CASP9: variants seen among roughly 807,000 people sequenced by gnomAD.
CASP9 encodes the protein caspase-9.
A neutral mutation model predicts 43.5 loss-of-function variants in CASP9; 29 were observed. That is an observed-to-expected ratio of 0.67 (90% CI 0.50 to 0.91). The LOEUF is 0.91. CASP9 is among the 40% of genes least tolerant of loss of function. The probability of loss-of-function intolerance (pLI) is 0.00; values close to 1 mark genes in which losing one functional copy is unlikely to be tolerated. For synonymous variants in CASP9, 206 were observed against 211.9 expected (o/e 0.97, Z 0.24); for missense variants, 575 against 537.4 (o/e 1.07, Z -0.69).
At chr1:15,494,076 C>T in intron 7 of CASP9, 75 bp from the exon 8 acceptor site, 2 of 1,527,704 alleles carry the variant, frequency 1.3e-6, no homozygotes, top group Non-Finnish European at 1.8e-6. Context: ...TCTGGCCATG[C>T]ACGCTGGCTC....
chr1:15,505,980 G>T lies in CASP9; in HGVS notation c.720+10C>A. On this transcript the variant is annotated intron_variant, in intron 5 of 8. Coordinates refer to ENST00000333868, the MANE Select transcript of CASP9 (RefSeq NM_001229.5). ...AATGCCTGCCCAGGGAACAGTGGGA[G>T]GCTTCCTACCTGACAGCCGTGAGAG... The T allele has an allele frequency of 6.2e-7, 1 of 1,610,758 alleles. No individual in the cohort carries two copies. Among genetic ancestry groups the T allele is most frequent in the Non-Finnish European group, 8.5e-7 (1 of 1,176,876 alleles).
At chr1:15,518,874 G>GTTTTT (rs67264894) in intron 1 of CASP9, among the ~76,000 whole-genome samples, 1 of 148,720 alleles carries the variant, frequency 6.7e-6, no homozygotes. Flanking sequence ...TTTTGTTTTT[G>GTTTTT]TTTTTTTTTT....
At chr1:15,509,993 C>T (rs1244618767) in intron 2 of CASP9, among the ~76,000 whole-genome samples, 1 of 152,010 alleles carries the variant, frequency 6.6e-6, no homozygotes, top group Non-Finnish European at 1.5e-5. Flanking sequence ...TGCAGTGGCG[C>T]GATCTTGCCT....
In CASP9 at chr1:15,518,141, C is replaced by T. The variant is rs1307405522; in HGVS notation, c.387G>A (p.Val129=). 2 of 1,614,224 alleles carry T rather than the reference C, an allele frequency of 1.2e-6. No homozygotes were observed. Among genetic ancestry groups the T allele is most frequent in the South Asian group, 1.1e-5 (1 of 91,088 alleles). ...EVLRPETPRP[V]DIGSGGFGDV... ...CACCAAATCCTCCAGAACCAATGTC[C>T]ACTGGTCTGGGTGTTTCCGGTCTGA... The change falls in exon 2 of 9, where the codon GTG becomes GTA. Residue 129 remains valine (V), a synonymous_variant. Coordinates refer to ENST00000333868, the MANE Select transcript of CASP9 (RefSeq NM_001229.5).
At chr1:15,493,465 C>T (rs1708968309) in intron 8 of CASP9, 2 of 1,271,292 alleles carry the variant, frequency 1.6e-6, no homozygotes, top group Non-Finnish European at 9.9e-7. Flanking sequence ...TGTTTCCTCA[C>T]TGGGGCCTCC....
intron 6 of CASP9, among the ~76,000 whole-genome samples, chr1:15,501,985 A>G (rs964268070): frequency 6.6e-6 from 1 of 152,182 alleles, no homozygotes; most frequent in African/African-American, 2.4e-5. Flanking sequence ...CCTCGTCTCA[A>G]GAGATCCTCC....
chr1:15,503,176 C>A (rs974550269), intron 6 of CASP9, among the ~76,000 whole-genome samples: 1 of 152,094 alleles, frequency 6.6e-6, no homozygotes, highest in Non-Finnish European at 1.5e-5. Flanking sequence ...TGCTTGAACC[C>A]AGGAGTTCAA....
At position 15,518,226 on chromosome 1, in the gene CASP9, G is replaced by C; in HGVS notation, c.302C>G (p.Pro101Arg). 1 of 1,614,184 alleles carries C rather than the reference G, an allele frequency of 6.2e-7. No individual in the cohort carries two copies. Among genetic ancestry groups the C allele is most frequent in the Non-Finnish European group, 8.5e-7 (1 of 1,180,036 alleles). Residue 101 changes from proline to arginine, a missense_variant, in exon 2 of 9, where the codon CCA becomes CGA. Transcript: ENST00000333868. The part of the protein sequence containing the change: ...TNRQAAKLSK[P>R]TLENLTPVVL... Reference sequence around the variant, plus strand: ...CACTGGGGTAAGGTTTTCTAGGGTTGGCTTCGACAACTTTGCTGCTTGCCT... The same window carrying C: ...CACTGGGGTAAGGTTTTCTAGGGTTCGCTTCGACAACTTTGCTGCTTGCCT...
chr1:15,523,030 T>A (rs1339559425), intron 1 of CASP9, among the ~76,000 whole-genome samples: 1 of 152,220 alleles, frequency 6.6e-6, no homozygotes, highest in African/African-American at 2.4e-5. Context: ...AGCCAGCCAC[T>A]CACACCTACT....
intron 1 of CASP9, 85 bp downstream of exon 1, chr1:15,523,984 G>T: frequency 9.5e-7 from 1 of 1,048,588 alleles, no homozygotes; most frequent in Non-Finnish European, 1.3e-6. Context: ...GAAGCCACAG[G>T]GAAGGCTAGG....
chr1:15,521,544 T>C (rs1203567473), intron 1 of CASP9, among the ~76,000 whole-genome samples: 2 of 152,218 alleles, frequency 1.3e-5, no homozygotes, highest in African/African-American at 4.8e-5. Context: ...TATAAGTGCA[T>C]AGAAGAAAAC....
At chr1:15,493,696 G>A (rs1708980222) in intron 8 of CASP9, 196 bp downstream of exon 8, 2 of 1,467,020 alleles carry the variant, frequency 1.4e-6, no homozygotes, top group African/African-American at 1.4e-5. Flanking sequence ...TTTGAATAAA[G>A]GGCAAACGTC....
chr1:15,517,395 T>A (rs1469495021), intron 2 of CASP9, among the ~76,000 whole-genome samples: 1 of 151,982 alleles, frequency 6.6e-6, no homozygotes, highest in Non-Finnish European at 1.5e-5. Flanking sequence ...GCGATAGAGA[T>A]GAGAACGGTG....
chr1:15,505,558 G>A (rs1010857288), intron 5 of CASP9, among the ~76,000 whole-genome samples: 16 of 152,234 alleles, frequency 1.1e-4, no homozygotes, highest in Non-Finnish European at 1.8e-4. Flanking sequence ...CCAGTAAGGG[G>A]TAAGGGCTTA....
intron 1 of CASP9, among the ~76,000 whole-genome samples, chr1:15,523,743 A>G (rs910496445): frequency 6.6e-6 from 1 of 152,222 alleles, no homozygotes; most frequent in Non-Finnish European, 1.5e-5. Flanking sequence ...TTTCCCAATA[A>G]ATACTTGCCT....
chr1:15,513,410 A>G (rs1219569952), intron 2 of CASP9, among the ~76,000 whole-genome samples: 1 of 152,148 alleles, frequency 6.6e-6, no homozygotes, highest in Non-Finnish European at 1.5e-5. Flanking sequence ...CCTGGCTGGA[A>G]CAAGCAGTTA....
chr1:15,506,729 G>A (rs965568811), intron 4 of CASP9, among the ~76,000 whole-genome samples, 170 bp downstream of exon 4: 6 of 152,258 alleles, frequency 3.9e-5, no homozygotes, highest in South Asian at 4.1e-4. Flanking sequence ...CCTCAAACCC[G>A]GACTTCTGCG....
In CASP9 at chr1:15,524,165, G is replaced by A. The variant is rs1325132734; in HGVS notation, c.36C>T (p.Cys12=). The stretch of plus-strand genomic sequence containing the variant: ...GCAGCTCTTCCACCAGCCGCAGCCG[G>A]CACCGCCGCAGGAGCCGCCGATCCG... ...DEADRRLLRR[C]RLRLVEELQV... The change falls in exon 1 of 9, where the codon TGC becomes TGT. Residue 12 remains cysteine (C), a synonymous_variant. Transcript: ENST00000333868. 1 of 1,539,248 alleles carries A rather than the reference G, an allele frequency of 6.5e-7. No homozygotes were observed. Among genetic ancestry groups the A allele is most frequent in the Non-Finnish European group, 8.7e-7 (1 of 1,146,848 alleles).
At chr1:15,509,135 C>A (rs1221124832) in intron 2 of CASP9, among the ~76,000 whole-genome samples, 4 of 152,196 alleles carry the variant, frequency 2.6e-5, no homozygotes, top group Admixed American at 2.6e-4. Context: ...AAACAGCAAC[C>A]CATTTCACTG....
Sources: allele counts gnomAD v4.1 joint callset (sites outside exome capture counted in the v4.1 genomes callset), GRCh38; gene constraint gnomAD v4.1.1; transcripts MANE v1.5; gene names NCBI Gene and HGNC (gene_info 2026-07-23, HGNC 2026-07-21).